OR10G3: variants seen among roughly 807,000 people sequenced by gnomAD.
The protein encoded by OR10G3 is olfactory receptor family 10 subfamily G member 3.
A neutral mutation model predicts 13.4 loss-of-function variants in OR10G3; 8 were observed. That is an observed-to-expected ratio of 0.60 (90% confidence interval 0.35 to 1.08). OR10G3 has a LOEUF of 1.08. OR10G3 is among the 50% of genes least tolerant of loss of function. OR10G3 has a pLI of 0.02. For missense variants in OR10G3, 393 were observed against 386.6 expected, an observed-to-expected ratio of 1.02 and a Z score of -0.14; for synonymous variants, 142 against 156.1, an observed-to-expected ratio of 0.91 and a Z score of 0.67.
intron 1 of OR10G3, among the ~76,000 whole-genome samples, chr14:21,577,581 A>G (rs11624905): frequency 0.11 from 17,386 of 152,244 alleles, 1,112 homozygotes; most frequent in African/African-American, 0.12. Context: ...TTACTACCCT[A>G]TTTCAAAATT....
At chr14:21,578,622 TC>T (rs1369435846) in intron 1 of OR10G3, among the ~76,000 whole-genome samples, 22 of 152,096 alleles carry the variant, frequency 1.4e-4, no homozygotes, top group Non-Finnish European at 7.4e-5. Context: ...TTAATTCTGG[TC>T]CCAAACTGTA....
chr14:21,575,687 T>G (rs1893121004), intron 1 of OR10G3, among the ~76,000 whole-genome samples: 1 of 152,120 alleles, frequency 6.6e-6, no homozygotes, highest in African/African-American at 2.4e-5. Context: ...CTCAATAGTC[T>G]TTACATTAAA....
At chr14:21,572,608 C>CAAAAAAAAAAAAAA (rs397852312) in intron 1 of OR10G3, among the ~76,000 whole-genome samples, 69 of 110,456 alleles carry the variant, frequency 6.2e-4, no homozygotes, top group South Asian at 9.4e-4. Flanking sequence ...AACAAACAAA[C>CAAAAAAAAAAAAAA]AAAAAAAAAA....
At chr14:21,578,016 A>T (rs1876799067) in intron 1 of OR10G3, among the ~76,000 whole-genome samples, 1 of 152,122 alleles carries the variant, frequency 6.6e-6, no homozygotes, top group Non-Finnish European at 1.5e-5. Flanking sequence ...AAAAAAGAAA[A>T]AAGCCTGAAG....
Position 21,569,814 on chromosome 14 carries a change from T to C in OR10G3, c.931A>G (p.Ser311Gly). The C allele has an allele frequency of 6.2e-7, 1 of 1,613,928 alleles. No homozygotes were observed. Among genetic ancestry groups the C allele is most frequent in the African/African-American group, 1.3e-5 (1 of 75,056 alleles). ...GGAGAAAGACACTTTCAAACCTCAC[T>C]CGGAGTTCTTGGGCTTCTGAGCATT... is the stretch of plus-strand genomic sequence containing the variant. Reference protein sequence around the residue: ...KRMLRSPRTPSEV With the variant: ...KRMLRSPRTPGEV Residue 311 changes from serine (S) to glycine (G), a missense_variant, in exon 2 of 2, where the codon AGT (serine) becomes GGT (glycine). Ser to Gly is a moderately conservative substitution (Grantham distance 56). Coordinates refer to ENST00000641040, the MANE Select transcript of OR10G3 (RefSeq NM_001005465.2).
chr14:21,579,063 C>A (rs935973378), intron 1 of OR10G3, among the ~76,000 whole-genome samples: 2 of 152,120 alleles, frequency 1.3e-5, no homozygotes, highest in African/African-American at 4.8e-5. Flanking sequence ...ACAAAAAGAA[C>A]AGAGCAAGGG....
At chr14:21,572,787 T>G (rs1893086422) in intron 1 of OR10G3, among the ~76,000 whole-genome samples, 1 of 152,174 alleles carries the variant, frequency 6.6e-6, no homozygotes, top group South Asian at 2.1e-4. Context: ...TTGGTTGATG[T>G]GTTTGTTTTT....
Position 21,570,282 on chromosome 14 carries a change from T to C in OR10G3, c.463A>G (p.Ile155Val). ...LVAGAWMAGS[I>V]HGALQAILTF... ...AGGATGGCCTGGAGAGCCCCATGGATGGATCCTGCCATCCAGGCTCCAGCC... is the reference window on the plus strand; with the variant it reads ...AGGATGGCCTGGAGAGCCCCATGGACGGATCCTGCCATCCAGGCTCCAGCC... The change falls in exon 2 of 2, where the codon ATC (isoleucine) becomes GTC (valine). Residue 155 changes from isoleucine to valine, a missense_variant. Physicochemically the swap from Ile to Val is conservative, Grantham distance 29. Transcript: ENST00000641040. 6.2e-7 allele frequency: 1 copy of C among 1,614,192 alleles called. No homozygotes were observed. The highest frequency in any genetic ancestry group is 8.5e-7 in the Non-Finnish European group (1 of 1,180,024).
At chr14:21,574,160 G>A (rs748463380) in intron 1 of OR10G3, among the ~76,000 whole-genome samples, 44 of 151,932 alleles carry the variant, frequency 2.9e-4, no homozygotes, top group African/African-American at 9.4e-4. Flanking sequence ...AAAATTAGTC[G>A]GGCGTGATGG....
In OR10G3 at chr14:21,569,708, G is replaced by A. The variant is rs1893040449; in HGVS notation, c.*95C>T. The A allele has an allele frequency of 3.0e-6, 3 of 1,007,412 alleles. No individual in the cohort carries two copies. The highest frequency in any genetic ancestry group is 4.4e-6 in the Non-Finnish European group (3 of 687,756). 62.4% of individuals were successfully genotyped at this position (1,007,412 alleles called of 1,614,324 possible). On this transcript the variant is annotated 3_prime_UTR_variant, in exon 2 of 2. Coordinates refer to ENST00000641040, the MANE Select transcript of OR10G3 (RefSeq NM_001005465.2). ...GATCATACAGTATGGCTATATAAAA[G>A]AGAAAAAACAAGAAGAAAAGAAAAA...
chr14:21,570,946 C>G (rs1000669249), intron 1 of OR10G3, among the ~76,000 whole-genome samples, 185 bp from the exon 2 acceptor site: 1 of 152,312 alleles, frequency 6.6e-6, no homozygotes, highest in African/African-American at 2.4e-5. Context: ...TGGAACACAG[C>G]CTTGCTCATT....
chr14:21,572,369 C>T (rs1280585370), intron 1 of OR10G3, among the ~76,000 whole-genome samples: 17 of 134,854 alleles, frequency 1.3e-4, no homozygotes, highest in African/African-American at 2.2e-4. Flanking sequence ...GAAGCCGAGG[C>T]AGATGGATCA....
chr14:21,575,361 G>A (rs1479504975), intron 1 of OR10G3, among the ~76,000 whole-genome samples: 5 of 146,806 alleles, frequency 3.4e-5, no homozygotes, highest in Non-Finnish European at 7.4e-5. Context: ...GATTACAGGC[G>A]TGAGCCACTG....
chr14:21,578,067 A>G (rs1876800193), intron 1 of OR10G3, among the ~76,000 whole-genome samples: 1 of 151,974 alleles, frequency 6.6e-6, no homozygotes, highest in African/African-American at 2.4e-5. Flanking sequence ...TAGTCTTTGA[A>G]TATATTGATT....
chr14:21,577,847 A>G (rs962549348), intron 1 of OR10G3, among the ~76,000 whole-genome samples: 2 of 152,170 alleles, frequency 1.3e-5, no homozygotes, highest in Admixed American at 6.5e-5. Context: ...TACTAAAAAT[A>G]CAAAATTAGT....
At chr14:21,575,158 TG>T (rs1159749988) in intron 1 of OR10G3, among the ~76,000 whole-genome samples, 1 of 152,054 alleles carries the variant, frequency 6.6e-6, no homozygotes, top group Non-Finnish European at 1.5e-5. Flanking sequence ...CTCGGCTCAC[TG>T]CAACATCCGC....
In OR10G3 at chr14:21,570,165, T is replaced by C. The variant is rs376893975; in HGVS notation, c.580A>G (p.Thr194Ala). 1.9e-6 allele frequency: 3 copies of C among 1,614,196 alleles called. No homozygotes were observed. Among genetic ancestry groups the C allele is most frequent in the Admixed American group, 1.7e-5 (1 of 60,028 alleles). Residue 194 changes from threonine (T) to alanine (A), a missense_variant, in exon 2 of 2, where the codon ACA becomes GCA. Physicochemically the swap from Thr to Ala is moderately conservative, Grantham distance 58 (BLOSUM62 0). Coordinates refer to ENST00000641040, the MANE Select transcript of OR10G3 (RefSeq NM_001005465.2). ...AVLRLACADT[T>A]VNELVTFVDI... ...ACAAACGTCACCAGCTCGTTGACTG[T>C]TGTGTCAGCACAGGCCAGTCTCAAC...
rs779490099 is a variant in OR10G3, at chr14:21,570,011, T to C, written c.734A>G (p.His245Arg). 1 of 1,614,146 alleles carries C rather than the reference T, an allele frequency of 6.2e-7. No homozygotes were observed. The highest frequency in any genetic ancestry group is 8.5e-7 in the Non-Finnish European group (1 of 1,179,996). The change falls in exon 2 of 2, where the codon CAT (histidine) becomes CGT (arginine). Residue 245 changes from histidine (H) to arginine (R), a missense_variant. By Grantham distance (29) the His-to-Arg change is conservative. Transcript: ENST00000641040. ...ATAGTACACGGTGACCACGGTTACA[T>C]GGGCTCCACAAGTTGAAAAAGCCCG... is the stretch of plus-strand genomic sequence containing the variant. ...RRRAFSTCGAHVTVVTVYYVP... is the reference protein window; with the variant it reads ...RRRAFSTCGARVTVVTVYYVP...
At position 21,570,270 on chromosome 14, in the gene OR10G3, G is replaced by A; in HGVS notation, c.475C>T (p.Leu159Phe). ...AWMAGSIHGA[L>F]QAILTFRLPY... ...AGGCGGAAGGTTAGGATGGCCTGGA[G>A]AGCCCCATGGATGGATCCTGCCATC... Residue 159 changes from leucine (L) to phenylalanine (F), a missense_variant, in exon 2 of 2, where the codon CTC becomes TTC. By Grantham distance (22) the Leu-to-Phe change is conservative. Transcript: ENST00000641040. 1.2e-6 allele frequency: 2 copies of A among 1,614,194 alleles called. No individual in the cohort carries two copies. The highest frequency in any genetic ancestry group is 2.2e-5 in the South Asian group (2 of 91,082).
Sources: allele counts gnomAD v4.1 joint callset (sites outside exome capture counted in the v4.1 genomes callset), GRCh38; gene constraint gnomAD v4.1.1; transcripts MANE v1.5; gene names NCBI Gene and HGNC (gene_info 2026-07-23, HGNC 2026-07-21).